Variants in IFNW1 observed in about 807,000 individuals in gnomAD.
IFNW1 encodes the protein interferon omega-1.
For synonymous variants in IFNW1, 105 were observed against 88.0 expected, an observed-to-expected ratio of 1.19 and a Z score of -1.08; for missense variants, 293 against 227.7, an observed-to-expected ratio of 1.29 and a Z score of -1.84.
chr9:21,141,564 G>A lies in IFNW1; in HGVS notation c.7C>T (p.Leu3Phe), dbSNP rs1482440736. ...AGGGCTGCCAGTAGAGGGAACAGGA[G>A]GGCCATTGGGAAATGAGGATGCTCC... MALLFPLLAALVM... is the reference protein window; with the variant it reads MAFLFPLLAALVM... The change falls in exon 1 of 1, where the codon CTC (leucine) becomes TTC (phenylalanine). Residue 3 changes from leucine to phenylalanine, a missense_variant. Leu to Phe is a conservative substitution (Grantham distance 22). Transcript: ENST00000380229. 1 of 1,570,414 alleles carries A rather than the reference G, an allele frequency of 6.4e-7. No individual in the cohort carries two copies. The highest frequency in any genetic ancestry group is 1.4e-5 in the African/African-American group (1 of 73,338).
In IFNW1 at chr9:21,141,577, A is replaced by G. The variant is rs1425399863; in HGVS notation, c.-7T>C. The stretch of plus-strand genomic sequence containing the variant: ...GAGGGAACAGGAGGGCCATTGGGAA[A>G]TGAGGATGCTCCTGGCTTTACTGAG... On this transcript the variant is annotated 5_prime_UTR_variant, in exon 1 of 1. Coordinates refer to ENST00000380229, the MANE Select transcript of IFNW1 (RefSeq NM_002177.3). 4.5e-6 allele frequency: 7 copies of G among 1,553,016 alleles called. No individual in the cohort carries two copies. Among genetic ancestry groups the G allele is most frequent in the Non-Finnish European group, 6.1e-6 (7 of 1,148,520 alleles).
chr9:21,141,385 G>A lies in IFNW1; in HGVS notation c.186C>T (p.Pro62=). The A allele has an allele frequency of 2.5e-6, 4 of 1,613,918 alleles. No homozygotes were observed. Among genetic ancestry groups the A allele is most frequent in the Non-Finnish European group, 2.5e-6 (3 of 1,179,904 alleles). Residue 62 remains proline, a synonymous_variant, in exon 1 of 1, where the codon CCC becomes CCT. Transcript: ENST00000380229. ...CLKDRRDFRF[P]QEMVKGSQLQ... is the part of the protein sequence containing the mutation. ...ACTGGCTCCCTTTTACCATCTCCTG[G>A]GGGAACCTGAAGTCTCTTCTGTCCT...
chr9:21,141,678 C>T lies in IFNW1; in HGVS notation c.-108G>A, dbSNP rs1819403930. Reference sequence around the variant, plus strand: ...TATGCATGGCTTTTAATAGGAAACACATGGTTTTCATTTTCTGAACATTTC... The same window carrying T: ...TATGCATGGCTTTTAATAGGAAACATATGGTTTTCATTTTCTGAACATTTC... On this transcript the variant is annotated 5_prime_UTR_variant, in exon 1 of 1. The change creates a new upstream start codon in the 5' untranslated region. Coordinates refer to ENST00000380229, the MANE Select transcript of IFNW1 (RefSeq NM_002177.3). 1.6e-6 allele frequency: 1 copy of T among 637,038 alleles called. No individual in the cohort carries two copies. The highest frequency in any genetic ancestry group is 2.8e-5 in the East Asian group (1 of 35,260). The allele number at this position is 637,038 out of a possible 1,614,324, so 39.5% of individuals were successfully genotyped here. A position where few individuals can be genotyped will look rare whatever the true frequency, so the allele number is the denominator to read the frequency against.
Position 21,141,017 on chromosome 9 carries a change from A to G in IFNW1, c.554T>C (p.Leu185Pro), listed in dbSNP as rs763576696. The G allele has an allele frequency of 1.9e-6, 3 of 1,613,746 alleles. No homozygotes were observed. Among genetic ancestry groups the G allele is most frequent in the South Asian group, 1.1e-5 (1 of 91,032 alleles). Residue 185 changes from leucine to proline, a missense_variant, in exon 1 of 1, where the codon CTG (leucine) becomes CCG (proline). Transcript: ENST00000380229. Reference protein sequence around the residue: ...LFLSTNMQERLRSKDRDLGSS With the variant: ...LFLSTNMQERPRSKDRDLGSS ...GCCCAGGTCTCTATCTTTACTTCTC[A>G]GTCTTTCTTGCATGTTTGTTGATAA...
At position 21,141,621 on chromosome 9, in the gene IFNW1, T is replaced by C; in HGVS notation, c.-51A>G. 1.5e-6 allele frequency: 2 copies of C among 1,303,114 alleles called. No individual in the cohort carries two copies. Among genetic ancestry groups the C allele is most frequent in the Non-Finnish European group, 2.1e-6 (2 of 944,876 alleles). The allele number at this position is 1,303,114 out of a possible 1,614,324, so 80.7% of individuals were successfully genotyped here. A position where few individuals can be genotyped will look rare whatever the true frequency, so the allele number is the denominator to read the frequency against. On this transcript the variant is annotated 5_prime_UTR_variant, in exon 1 of 1. Transcript: ENST00000380229. ...TACTGAGCTGGGATATGGCTTAACC[T>C]TGGACCCTAGGTTTTCTGAAGACAT...
In IFNW1 at chr9:21,140,992, G is replaced by T. The variant is rs1056459678; in HGVS notation, c.579C>A (p.Gly193=). The T allele has an allele frequency of 6.2e-7, 1 of 1,605,126 alleles. No individual in the cohort carries two copies. Among genetic ancestry groups the T allele is most frequent in the East Asian group, 2.2e-5 (1 of 44,844 alleles). The change falls in exon 1 of 1, where the codon GGC becomes GGA. Residue 193 remains glycine (G), a synonymous_variant. Coordinates refer to ENST00000380229, the MANE Select transcript of IFNW1 (RefSeq NM_002177.3). ...ATCAATGAGAATCATTTCAAGATGA[G>T]CCCAGGTCTCTATCTTTACTTCTCA... ...ERLRSKDRDL[G]SS
In IFNW1 at chr9:21,141,629, T is replaced by C. The variant is rs2132876759; in HGVS notation, c.-59A>G. The C allele has an allele frequency of 8.4e-7, 1 of 1,190,694 alleles. No individual in the cohort carries two copies. Among genetic ancestry groups the C allele is most frequent in the East Asian group, 2.4e-5 (1 of 41,324 alleles). The allele number at this position is 1,190,694 out of a possible 1,614,324, so 73.8% of individuals were successfully genotyped here. A position where few individuals can be genotyped will look rare whatever the true frequency, so the allele number is the denominator to read the frequency against. ...TGGGATATGGCTTAACCTTGGACCC[T>C]AGGTTTTCTGAAGACATTGCTTGTA... is the stretch of plus-strand genomic sequence containing the variant. On this transcript the variant is annotated 5_prime_UTR_variant, in exon 1 of 1. An upstream open reading frame in the 5' UTR loses its in-frame stop. Coordinates refer to ENST00000380229, the MANE Select transcript of IFNW1 (RefSeq NM_002177.3).
In IFNW1 at chr9:21,141,213, C is replaced by G; in HGVS notation, c.358G>C (p.Glu120Gln). The G allele has an allele frequency of 6.2e-7, 1 of 1,614,134 alleles. No homozygotes were observed. Among genetic ancestry groups the G allele is most frequent in the Non-Finnish European group, 8.5e-7 (1 of 1,179,992 alleles). The change falls in exon 1 of 1, where the codon GAG becomes CAG. Residue 120 changes from glutamate to glutamine, a missense_variant. Glu to Gln is a conservative substitution (Grantham distance 29, BLOSUM62 2). Coordinates refer to ENST00000380229, the MANE Select transcript of IFNW1 (RefSeq NM_002177.3). ...CCCACTACCTGCAGCAAGCAGGTCT[C>G]CAGGTGTTGCAGTTGCTGATGAAGT... ...TGLHQQLQHLETCLLQVVGEG... is the reference protein window; with the variant it reads ...TGLHQQLQHLQTCLLQVVGEG...
Position 21,141,217 on chromosome 9 carries a change from G to A in IFNW1, c.354C>T (p.His118=), listed in dbSNP as rs368609990. ...LHTGLHQQLQ[H]LETCLLQVVG... is the part of the protein sequence containing the mutation. ...CTACCTGCAGCAAGCAGGTCTCCAG[G>A]TGTTGCAGTTGCTGATGAAGTCCAG... The change falls in exon 1 of 1, where the codon CAC becomes CAT. Residue 118 remains histidine, a synonymous_variant. Coordinates refer to ENST00000380229, the MANE Select transcript of IFNW1 (RefSeq NM_002177.3). 2.1e-4 allele frequency: 346 copies of A among 1,614,052 alleles called. No homozygotes were observed. The highest frequency in any genetic ancestry group is 2.8e-4 in the Non-Finnish European group (331 of 1,180,028).
Position 21,141,334 on chromosome 9 carries a change from G to T in IFNW1, c.237C>A (p.Val79=). The stretch of plus-strand genomic sequence containing the variant: ...AGATCTGCTGCAGCATCTCATGGAG[G>T]ACAGACATGACATGGGCCTTCTGCA... ...SQLQKAHVMS[V]LHEMLQQIFS... Residue 79 remains valine (V), a synonymous_variant, in exon 1 of 1, where the codon GTC becomes GTA. Transcript: ENST00000380229. 2 of 1,613,942 alleles carry T rather than the reference G, an allele frequency of 1.2e-6. No homozygotes were observed. Among genetic ancestry groups the T allele is most frequent in the South Asian group, 1.1e-5 (1 of 91,062 alleles).
chr9:21,141,019 T>A lies in IFNW1; in HGVS notation c.552A>T (p.Arg184Ser), dbSNP rs773830832. ...CCAGGTCTCTATCTTTACTTCTCAG[T>A]CTTTCTTGCATGTTTGTTGATAAGA... is the stretch of plus-strand genomic sequence containing the variant. ...SLFLSTNMQE[R>S]LRSKDRDLGS... Residue 184 changes from arginine (R) to serine (S), a missense_variant, in exon 1 of 1, where the codon AGA (arginine) becomes AGT (serine). Arg to Ser is a moderately radical substitution (Grantham distance 110, BLOSUM62 -1). Transcript: ENST00000380229. The A allele has an allele frequency of 6.2e-7, 1 of 1,613,874 alleles. No individual in the cohort carries two copies. Among genetic ancestry groups the A allele is most frequent in the South Asian group, 1.1e-5 (1 of 91,032 alleles).
chr9:21,141,588 C>G lies in IFNW1; in HGVS notation c.-18G>C, dbSNP rs1039666583. 2.0e-6 allele frequency: 3 copies of G among 1,523,560 alleles called. No homozygotes were observed. Among genetic ancestry groups the G allele is most frequent in the African/African-American group, 1.4e-5 (1 of 72,262 alleles). 94.4% of individuals were successfully genotyped at this position (1,523,560 alleles called of 1,614,324 possible). ...AGGGCCATTGGGAAATGAGGATGCT[C>G]CTGGCTTTACTGAGCTGGGATATGG... On this transcript the variant is annotated 5_prime_UTR_variant, in exon 1 of 1. Coordinates refer to ENST00000380229, the MANE Select transcript of IFNW1 (RefSeq NM_002177.3).
Position 21,141,707 on chromosome 9 carries a change from G to A in IFNW1, c.-137C>T, listed in dbSNP as rs1587880759. On this transcript the variant is annotated 5_prime_UTR_variant, in exon 1 of 1. Coordinates refer to ENST00000380229, the MANE Select transcript of IFNW1 (RefSeq NM_002177.3). ...GTTTTCATTTTCTGAACATTTCTCT[G>A]TACTTTCAGTTTCTTTTACTGTTTT... 3.7e-6 allele frequency: 2 copies of A among 543,522 alleles called. No individual in the cohort carries two copies. The highest frequency in any genetic ancestry group is 3.2e-5 in the South Asian group (1 of 30,898). 33.7% of individuals were successfully genotyped at this position (543,522 alleles called of 1,614,324 possible).
rs1367592464 is a variant in IFNW1, at chr9:21,141,683, T to C, written c.-113A>G. The C allele has an allele frequency of 1.6e-5, 10 of 626,522 alleles. No individual in the cohort carries two copies. Among genetic ancestry groups the C allele is most frequent in the Admixed American group, 9.8e-5 (3 of 30,600 alleles). 38.8% of individuals were successfully genotyped at this position (626,522 alleles called of 1,614,324 possible). A position where few individuals can be genotyped will look rare whatever the true frequency, so the allele number is the denominator to read the frequency against. On this transcript the variant is annotated 5_prime_UTR_variant, in exon 1 of 1. Transcript: ENST00000380229. ...ATGGCTTTTAATAGGAAACACATGG[T>C]TTTCATTTTCTGAACATTTCTCTGT...
the IFNW1 span, chr9:21,141,183 C>CT: frequency 6.2e-7 from 1 of 1,614,164 alleles, no homozygotes; most frequent in Non-Finnish European, 8.5e-7. Context: ...GCAGATTCTC[C>CT]TTCTCCCACT....
At position 21,141,281 on chromosome 9, in the gene IFNW1, G is replaced by C; in HGVS notation, c.290C>G (p.Ser97Cys). 6.2e-7 allele frequency: 1 copy of C among 1,614,200 alleles called. No homozygotes were observed. Among genetic ancestry groups the C allele is most frequent in the Non-Finnish European group, 8.5e-7 (1 of 1,180,022 alleles). ...IFSLFHTERSSAAWNMTLLDQ... is the reference protein window; with the variant it reads ...IFSLFHTERSCAAWNMTLLDQ... ...TAGGAGGGTCATGTTCCAGGCAGCA[G>C]AGGAGCGCTCTGTGTGGAAGAGGCT... is the stretch of plus-strand genomic sequence containing the variant. Residue 97 changes from serine to cysteine, a missense_variant, in exon 1 of 1, where the codon TCT becomes TGT. Ser to Cys is a moderately radical substitution (Grantham distance 112). Coordinates refer to ENST00000380229, the MANE Select transcript of IFNW1 (RefSeq NM_002177.3).
Position 21,140,908 on chromosome 9 carries a change from G to A in IFNW1, c.*75C>T, listed in dbSNP as rs185797890. ...TTCAGTCAATTCTGTGATTAAAGCCGAAATAAGAGTCTTTTGAATTGACCA... is the reference window on the plus strand; with the variant it reads ...TTCAGTCAATTCTGTGATTAAAGCCAAAATAAGAGTCTTTTGAATTGACCA... On this transcript the variant is annotated 3_prime_UTR_variant, in exon 1 of 1. Coordinates refer to ENST00000380229, the MANE Select transcript of IFNW1 (RefSeq NM_002177.3). The A allele has an allele frequency of 8.2e-3, 8,569 of 1,049,358 alleles. 52 individuals are homozygous for A. The highest frequency in any genetic ancestry group is 9.6e-3 in the Non-Finnish European group (6,822 of 709,920). The allele number at this position is 1,049,358 out of a possible 1,614,324, so 65.0% of individuals were successfully genotyped here.
At position 21,141,119 on chromosome 9, in the gene IFNW1, C is replaced by T. The variant is rs139690862; in HGVS notation, c.452G>A (p.Arg151His). Residue 151 changes from arginine to histidine, a missense_variant, in exon 1 of 1, where the codon CGT becomes CAT. By Grantham distance (29) the Arg-to-His change is conservative (BLOSUM62 0). Coordinates refer to ENST00000380229, the MANE Select transcript of IFNW1 (RefSeq NM_002177.3). ...GTATTTCTTCTCTTTCAGGTAGACACGGATTCCCTGGAAGTACCTCCTCAA... is the reference window on the plus strand; with the variant it reads ...GTATTTCTTCTCTTTCAGGTAGACATGGATTCCCTGGAAGTACCTCCTCAA... Reference protein sequence around the residue: ...LTLRRYFQGIRVYLKEKKYSD... With the variant: ...LTLRRYFQGIHVYLKEKKYSD... 477 of 1,614,142 alleles carry T rather than the reference C, an allele frequency of 3.0e-4. 2 individuals carry two copies. In the East Asian group the frequency reaches 9.0e-3, roughly 30 times the overall value.
At position 21,141,105 on chromosome 9, in the gene IFNW1, C is replaced by G. The variant is rs752041382; in HGVS notation, c.466G>C (p.Glu156Gln). The G allele has an allele frequency of 1.2e-6, 2 of 1,614,138 alleles. No individual in the cohort carries two copies. The highest frequency in any genetic ancestry group is 2.2e-5 in the East Asian group (1 of 44,888). ...CAGGCACAGTCGCTGTATTTCTTCT[C>G]TTTCAGGTAGACACGGATTCCCTGG... ...YFQGIRVYLK[E>Q]KKYSDCAWEV... The change falls in exon 1 of 1, where the codon GAG (glutamate) becomes CAG (glutamine). Residue 156 changes from glutamate (E) to glutamine (Q), a missense_variant. By Grantham distance (29) the Glu-to-Gln change is conservative (BLOSUM62 2). Transcript: ENST00000380229.
Sources: gnomAD v4.1 joint callset for allele counts on GRCh38, gnomAD v4.1.1 for gene constraint, MANE v1.5 for transcripts, NCBI Gene and HGNC (gene_info 2026-07-23, HGNC 2026-07-21) for gene names.